Variants in SLC45A2 observed in about 807,000 individuals in gnomAD.
The protein encoded by SLC45A2 is solute carrier family 45 member 2.
In SLC45A2, 36 loss-of-function variants were observed where a neutral mutation model predicts 45.5. That is an observed-to-expected ratio of 0.79 (90% CI 0.61 to 1.04). SLC45A2 has a LOEUF of 1.04. SLC45A2 is among the 50% of genes least tolerant of loss of function. The pLI, the probability that SLC45A2 is intolerant of heterozygous loss-of-function variation, is 0.00. For synonymous variants in SLC45A2, 306 were observed against 269.3 expected, an observed-to-expected ratio of 1.14 and a Z score of -1.33; for missense variants, 719 against 671.0, an observed-to-expected ratio of 1.07 and a Z score of -0.79.
At chr5:33,956,823 T>A (rs529536942) in intron 3 of SLC45A2, among the ~76,000 whole-genome samples, 1 of 152,310 alleles carries the variant, frequency 6.6e-6, no homozygotes, top group South Asian at 2.1e-4. Context: ...GACCCCCAGT[T>A]CTTTAGGGAT....
At chr5:33,976,668 G>A (rs764024758) in intron 2 of SLC45A2, among the ~76,000 whole-genome samples, 1 of 152,176 alleles carries the variant, frequency 6.6e-6, no homozygotes, top group Non-Finnish European at 1.5e-5. Flanking sequence ...CTTAAAGGGA[G>A]CATTCTGCAT....
At chr5:33,948,126 A>G (rs1270803984) in intron 5 of SLC45A2, among the ~76,000 whole-genome samples, 2 of 152,222 alleles carry the variant, frequency 1.3e-5, no homozygotes. Flanking sequence ...TGAAGTGTCT[A>G]TGAAATCACC....
intron 3 of SLC45A2, among the ~76,000 whole-genome samples, chr5:33,961,915 C>A (rs1248615419): frequency 1.3e-5 from 2 of 152,216 alleles, no homozygotes; most frequent in African/African-American, 4.8e-5. Flanking sequence ...GGAGGACTCC[C>A]ATTTGGCCTG....
rs754269603 is a variant in SLC45A2, at chr5:33,947,149, C to G, written c.1368+14G>C. The G allele has an allele frequency of 6.2e-7, 1 of 1,614,204 alleles. No individual in the cohort carries two copies. The highest frequency in any genetic ancestry group is 8.5e-7 in the Non-Finnish European group (1 of 1,180,040). The stretch of plus-strand genomic sequence containing the variant: ...CTGGATGTTACCCAAGGCAGAGGTT[C>G]AATGACAGCACACCTCCTTTTCTTC... On this transcript the variant is annotated intron_variant, in intron 6 of 6. Transcript: ENST00000296589.
chr5:33,947,066 T>C, intron 6 of SLC45A2, 97 bp downstream of exon 6: 1 of 1,612,780 alleles, frequency 6.2e-7, no homozygotes, highest in Non-Finnish European at 8.5e-7. Flanking sequence ...CAAGAACCCT[T>C]ATTTTCCAGC....
intron 2 of SLC45A2, among the ~76,000 whole-genome samples, chr5:33,966,604 T>A (rs903125810): frequency 6.6e-6 from 1 of 152,094 alleles, no homozygotes; most frequent in Non-Finnish European, 1.5e-5. Context: ...CCGGAGAAGC[T>A]ACTTTCAAAA....
chr5:33,972,163 T>A (rs912140983), intron 2 of SLC45A2: 1 of 520,470 alleles, frequency 1.9e-6, no homozygotes, highest in African/African-American at 1.9e-5. Context: ...GCATCATTTT[T>A]ATGGATGAAT....
At chr5:33,945,688 A>G (rs1374450259) in intron 6 of SLC45A2, among the ~76,000 whole-genome samples, 1 of 152,176 alleles carries the variant, frequency 6.6e-6, no homozygotes, top group Non-Finnish European at 1.5e-5. Flanking sequence ...TGCTAAGCAC[A>G]TCCACTAATT....
chr5:33,959,153 A>T (rs1752369251), intron 3 of SLC45A2, among the ~76,000 whole-genome samples: 1 of 151,844 alleles, frequency 6.6e-6, no homozygotes, highest in Non-Finnish European at 1.5e-5. Flanking sequence ...TATCATCCAG[A>T]CTTTTCATTT....
At chr5:33,966,676 G>A (rs571891265) in intron 2 of SLC45A2, among the ~76,000 whole-genome samples, 52 of 152,270 alleles carry the variant, frequency 3.4e-4, no homozygotes, top group Non-Finnish European at 6.8e-4. Context: ...GAGTTTCAAA[G>A]AGTCATTATT....
chr5:33,961,222 A>G (rs995000238), intron 3 of SLC45A2, among the ~76,000 whole-genome samples: 4 of 152,192 alleles, frequency 2.6e-5, no homozygotes, highest in African/African-American at 9.7e-5. Flanking sequence ...CCCTGTAGTC[A>G]GCAGCTGGAT....
intron 4 of SLC45A2, 110 bp from the exon 5 acceptor site, chr5:33,951,787 C>A (rs1752109464): frequency 3.7e-6 from 5 of 1,339,004 alleles, no homozygotes; most frequent in Non-Finnish European, 5.4e-6. Flanking sequence ...CCTGAGGGAC[C>A]CTTTCTAGAG....
Position 33,944,628 on chromosome 5 carries a change from G to T in SLC45A2, c.*20C>A, listed in dbSNP as rs754792806. On this transcript the variant is annotated 3_prime_UTR_variant, in exon 7 of 7. Coordinates refer to ENST00000296589, the MANE Select transcript of SLC45A2 (RefSeq NM_016180.5). ...GTGCTTCACTGTCTCTGAGGTTAGG[G>T]TCATTGTCTCTTTATTGACCTAATC... The T allele has an allele frequency of 1.2e-6, 2 of 1,611,554 alleles. No homozygotes were observed. The highest frequency in any genetic ancestry group is 4.5e-5 in the East Asian group (2 of 44,874).
chr5:33,955,217 A>T (rs1752239673), intron 3 of SLC45A2, among the ~76,000 whole-genome samples: 1 of 152,182 alleles, frequency 6.6e-6, no homozygotes, highest in Non-Finnish European at 1.5e-5. Flanking sequence ...GAGCAACTCC[A>T]GGCCAACAGT....
chr5:33,976,858 C>G (rs1336974138), intron 2 of SLC45A2, among the ~76,000 whole-genome samples: 1 of 152,164 alleles, frequency 6.6e-6, no homozygotes, highest in Non-Finnish European at 1.5e-5. Flanking sequence ...AGCATGTGTG[C>G]TCCATCCACA....
rs144928263 is a variant in SLC45A2 at position 33,968,621 on chromosome 5, A to G, written c.563-4605T>C. On this transcript the variant is annotated intron_variant, in intron 2 of 6. Coordinates refer to ENST00000296589, the MANE Select transcript of SLC45A2 (RefSeq NM_016180.5). The stretch of plus-strand genomic sequence containing the variant: ...CTGGAAGAAGTCCAAATATATAGAA[A>G]TATGTAAAAAATTGTCTTTAGTCCA... Among the ~76,000 whole-genome samples, 470 of 151,198 alleles carry G rather than the reference A, an allele frequency of 3.1e-3. 1 individual carries two copies. In the East Asian group the frequency reaches 0.037, roughly 12 times the overall value.
chr5:33,961,798 G>T (rs2111955482), intron 3 of SLC45A2, among the ~76,000 whole-genome samples: 1 of 152,248 alleles, frequency 6.6e-6, no homozygotes, highest in East Asian at 1.9e-4. Flanking sequence ...TCCTGCCAAA[G>T]TTACCCCTTT....
intron 2 of SLC45A2, among the ~76,000 whole-genome samples, chr5:33,975,019 C>T (rs1752884421): frequency 6.6e-6 from 1 of 152,152 alleles, no homozygotes; most frequent in Non-Finnish European, 1.5e-5. Flanking sequence ...GAATCTAAGC[C>T]TTAAACAAAG....
chr5:33,967,487 C>G (rs528800151), intron 2 of SLC45A2, among the ~76,000 whole-genome samples: 88 of 152,290 alleles, frequency 5.8e-4, no homozygotes, highest in African/African-American at 2.0e-3. Flanking sequence ...ACCAATGCTG[C>G]TGGGCCAAGC....
Sources: gnomAD v4.1 joint callset for allele counts (sites outside exome capture counted in the v4.1 genomes callset) on GRCh38, gnomAD v4.1.1 for gene constraint, MANE v1.5 for transcripts, NCBI Gene and HGNC (gene_info 2026-07-23, HGNC 2026-07-21) for gene names.